KCNH7: variants seen among roughly 807,000 people sequenced by gnomAD.
KCNH7 encodes potassium voltage-gated channel subfamily H member 7.
KCNH7 carries 49 observed loss-of-function variants against 120.8 expected under a neutral mutation model. The observed-to-expected ratio is 0.41, with a 90% confidence interval of 0.32 to 0.51. The LOEUF is 0.51. Among genes scored for constraint, KCNH7 ranks in the 20% least tolerant of loss-of-function variants. The probability of loss-of-function intolerance (pLI) is 0.38; values close to 1 mark genes in which losing one functional copy is unlikely to be tolerated. For missense variants in KCNH7, 1,097 were observed against 1,446.6 expected (o/e 0.76, Z 3.92); for synonymous variants, 547 against 516.1 (o/e 1.06, Z -0.81).
Position 162,400,262 on chromosome 2 carries a change from G to T in KCNH7, c.2334C>A (p.Val778=). The change falls in exon 10 of 16, where the codon GTC becomes GTA. Residue 778 remains valine, a synonymous_variant. Coordinates refer to ENST00000332142, the MANE Select transcript of KCNH7 (RefSeq NM_033272.4). ...PGDTLVHCGD[V]LTALYFLSRG... ...TGGATAAGAAATAAAGTGCAGTGAGGACATCCCCACAGTGAACGAGGGTGT... is the reference window on the plus strand; with the variant it reads ...TGGATAAGAAATAAAGTGCAGTGAGTACATCCCCACAGTGAACGAGGGTGT... 1.9e-6 allele frequency: 3 copies of T among 1,612,374 alleles called. No individual in the cohort carries two copies. The Admixed American group carries it at 5.0e-5, about 27-fold the overall frequency.
intron 2 of KCNH7, among the ~76,000 whole-genome samples, chr2:162,688,971 T>G (rs992558016): frequency 2.0e-5 from 3 of 151,978 alleles, no homozygotes; most frequent in Admixed American, 6.6e-5. Flanking sequence ...AGGCACTTAT[T>G]TCCCCCTACC....
At chr2:162,462,191 A>T (rs998794909) in intron 6 of KCNH7, among the ~76,000 whole-genome samples, 6 of 152,132 alleles carry the variant, frequency 3.9e-5, no homozygotes, top group Non-Finnish European at 8.8e-5. Flanking sequence ...AGGAAAAAAA[A>T]TCAGAAACAC....
At chr2:162,392,196 C>T (rs1686764012) in intron 12 of KCNH7, among the ~76,000 whole-genome samples, 3 of 151,860 alleles carry the variant, frequency 2.0e-5, no homozygotes, top group Admixed American at 2.0e-4. Flanking sequence ...AGAAACAATT[C>T]ACATTAAATA....
intron 6 of KCNH7, among the ~76,000 whole-genome samples, chr2:162,492,242 T>C (rs1037529553): frequency 1.3e-5 from 2 of 152,228 alleles, no homozygotes; most frequent in Non-Finnish European, 2.9e-5. Context: ...TCTTTCTGTA[T>C]GGTTCTGTCA....
intron 12 of KCNH7, among the ~76,000 whole-genome samples, chr2:162,387,085 A>T (rs907483733): frequency 3.3e-5 from 5 of 151,280 alleles, no homozygotes; most frequent in African/African-American, 1.2e-4. Flanking sequence ...AGAAGAAAAA[A>T]ATTTGATATC....
Position 162,423,337 on chromosome 2 carries a change from A to G in KCNH7, c.2153T>C (p.Met718Thr). The change falls in exon 9 of 16, where the codon ATG (methionine) becomes ACG (threonine). Residue 718 changes from methionine (M) to threonine (T), a missense_variant and splice_region_variant. Around this residue, in one of 8 missense-constraint regions of KCNH7, gnomAD observed 101 missense variants for 176.3 expected, o/e 0.57. Coordinates refer to ENST00000332142, the MANE Select transcript of KCNH7 (RefSeq NM_033272.4). ...WTYTNGIDMN[M>T]VLKGFPECLQ... ...ATTTTGGAAAACAGACATACATACC[A>G]TGTTCATGTCAATGCCATTGGTGTA... 1.9e-6 allele frequency: 3 copies of G among 1,613,984 alleles called. No individual in the cohort carries two copies. The highest frequency in any genetic ancestry group is 1.3e-5 in the African/African-American group (1 of 75,020).
chr2:162,499,257 G>C (rs1053278554), intron 6 of KCNH7, among the ~76,000 whole-genome samples: 1 of 152,102 alleles, frequency 6.6e-6, no homozygotes, highest in African/African-American at 2.4e-5. Flanking sequence ...GGCAAATATA[G>C]CCAATAATTT....
rs1691364409 is a variant in KCNH7, at chr2:162,517,869, C to T, written c.753G>A (p.Met251Ile). 6.2e-7 allele frequency: 1 copy of T among 1,612,368 alleles called. No individual in the cohort carries two copies. Among genetic ancestry groups the T allele is most frequent in the South Asian group, 1.1e-5 (1 of 91,040 alleles). Residue 251 changes from methionine (M) to isoleucine (I), a missense_variant, in exon 4 of 16, where the codon ATG (methionine) becomes ATA (isoleucine). Physicochemically the swap from Met to Ile is conservative, Grantham distance 10. Transcript: ENST00000332142. The stretch of plus-strand genomic sequence containing the variant: ...GGGACAGCTGGGAACTTGACTGCAG[C>T]ATGTCAGGGTAGAGTCGGTCCCATT... ...KRQWDRLYPD[M>I]LQSSSQLSHS...
In KCNH7 at chr2:162,620,776, T is replaced by G. The variant is rs556215604; in HGVS notation, c.308-83696A>C. Among the ~76,000 whole-genome samples the G allele has an allele frequency of 2.0e-5, 3 of 152,244 alleles. No individual in the cohort carries two copies. In the East Asian group the frequency reaches 5.8e-4, roughly 29 times the overall value. On this transcript the variant is annotated intron_variant, in intron 2 of 15. Coordinates refer to ENST00000332142, the MANE Select transcript of KCNH7 (RefSeq NM_033272.4). ...GCCTCCTTACAATTTTTCTTGCATC[T>G]TTTTTTAGGTGCCAAGAAATCATAG...
intron 12 of KCNH7, among the ~76,000 whole-genome samples, chr2:162,392,528 AG>A (rs1175307748): frequency 3.9e-5 from 6 of 151,996 alleles, no homozygotes; most frequent in Admixed American, 3.3e-4. Context: ...AAGAATAAAA[AG>A]GAAGATGCTC....
intron 2 of KCNH7, among the ~76,000 whole-genome samples, chr2:162,772,327 T>G (rs1260310679): frequency 2.0e-5 from 3 of 152,208 alleles, no homozygotes; most frequent in Admixed American, 2.0e-4. Context: ...GATTACTCAT[T>G]AAGGAATTTT....
At chr2:162,577,595 C>G (rs368950685) in intron 2 of KCNH7, among the ~76,000 whole-genome samples, 4 of 151,946 alleles carry the variant, frequency 2.6e-5, no homozygotes, top group Non-Finnish European at 5.9e-5. Context: ...TTTTCTTCTG[C>G]AACTTTAGCC....
chr2:162,785,046 G>A (rs1419844976), intron 2 of KCNH7: 1 of 152,206 alleles, frequency 6.6e-6, no homozygotes, highest in Non-Finnish European at 1.5e-5. Flanking sequence ...GAGCAGTCAT[G>A]GAGCTGTTTT....
In KCNH7 at chr2:162,373,662, C is replaced by T. The variant is rs1447535013; in HGVS notation, c.3132G>A (p.Arg1044=). 2 of 1,481,038 alleles carry T rather than the reference C, an allele frequency of 1.4e-6. No homozygotes were observed. Among genetic ancestry groups the T allele is most frequent in the South Asian group, 1.4e-5 (1 of 70,098 alleles). The allele number at this position is 1,481,038 out of a possible 1,614,324, so 91.7% of individuals were successfully genotyped here. Residue 1044 remains arginine, a splice_region_variant and synonymous_variant, in exon 15 of 16, where the codon AGG becomes AGA. Transcript: ENST00000332142. ...RLDLLQEQLN[R]LESQMTTDIQ... ...TGTCAGTGGTCATTTGGGATTCAAG[C>T]CTACAGAACAGACAGAAGTAGGAAA...
chr2:162,607,389 C>CA (rs555585886), intron 2 of KCNH7, among the ~76,000 whole-genome samples: 1,994 of 131,850 alleles, frequency 0.015, 23 homozygotes, highest in Middle Eastern at 0.065. Context: ...GACTCAGTCT[C>CA]AAAAAAAAAA....
chr2:162,831,333 A>T (rs533300479), intron 2 of KCNH7, among the ~76,000 whole-genome samples: 5 of 152,248 alleles, frequency 3.3e-5, no homozygotes, highest in South Asian at 4.1e-4. Flanking sequence ...TAGAGGATGG[A>T]TCGGGGGAGA....
intron 2 of KCNH7, among the ~76,000 whole-genome samples, chr2:162,556,792 A>G (rs1487970427): frequency 6.6e-6 from 1 of 152,258 alleles, no homozygotes; most frequent in African/African-American, 2.4e-5. Flanking sequence ...TTGCAAAAAC[A>G]AATGGAAATA....
At chr2:162,500,046 T>C (rs926389171) in intron 6 of KCNH7, among the ~76,000 whole-genome samples, 2 of 151,718 alleles carry the variant, frequency 1.3e-5, no homozygotes, top group African/African-American at 4.8e-5. Context: ...CCTTCGAGAC[T>C]CAAAGGCAGA....
intron 2 of KCNH7, among the ~76,000 whole-genome samples, chr2:162,763,982 G>C (rs989486068): frequency 5.3e-4 from 80 of 151,994 alleles, no homozygotes; most frequent in African/African-American, 1.9e-3. Flanking sequence ...GTGTTTGTGA[G>C]GGTTTTTTTT....
Sources: gnomAD v4.1 joint callset for allele counts (sites outside exome capture counted in the v4.1 genomes callset) on GRCh38, gnomAD v4.1.1 for gene constraint, gnomAD v4.1.1 regional missense constraint, MANE v1.5 for transcripts, NCBI Gene and HGNC (gene_info 2026-07-23, HGNC 2026-07-21) for gene names.